The following FLYWCH1 variants were observed in gnomAD, a reference collection of about 807,000 sequenced individuals.
FLYWCH1 encodes the protein FLYWCH-type zinc finger 1.
A neutral mutation model predicts 66.4 loss-of-function variants in FLYWCH1; 75 were observed. The ratio of observed to expected loss-of-function variants is 1.13; its 90% CI spans 0.94 to 1.37. The LOEUF (loss-of-function observed/expected upper bound fraction) is 1.37, where lower values mean the gene tolerates loss of function less well. Among genes scored for constraint, FLYWCH1 ranks in the 40% most tolerant of loss-of-function variants. The probability of loss-of-function intolerance (pLI) is 0.00; values close to 1 mark genes in which losing one functional copy is unlikely to be tolerated. For synonymous variants in FLYWCH1, 595 were observed against 429.9 expected (o/e 1.38, Z -4.75); for missense variants, 1,334 against 1,001.8 (o/e 1.33, Z -4.48).
chr16:2,945,767 G>A (rs542638734), intron 9 of FLYWCH1, among the ~76,000 whole-genome samples: 1 of 152,244 alleles, frequency 6.6e-6, no homozygotes, highest in East Asian at 1.9e-4. Context: ...GGAGGCCAAG[G>A]TGGGCAGATC....
At chr16:2,913,595 G>C (rs1001636537) in intron 1 of FLYWCH1, among the ~76,000 whole-genome samples, 3 of 152,168 alleles carry the variant, frequency 2.0e-5, no homozygotes, top group African/African-American at 4.8e-5. Flanking sequence ...ACCCCACGCT[G>C]AACAGGACAG....
At chr16:2,923,822 G>A (rs2070462160) in intron 2 of FLYWCH1, among the ~76,000 whole-genome samples, 1 of 152,002 alleles carries the variant, frequency 6.6e-6, no homozygotes, top group African/African-American at 2.4e-5. Flanking sequence ...TGGATCACTT[G>A]AGGTCACGAG....
rs149748554 is a variant in FLYWCH1 at position 2,946,040 on chromosome 16, A to C, written c.2112-2648A>C. ...AGCTTGTAGAATGAGGTTCTAAAGA[A>C]AATATTTTTGTACAGCTGTACAATG... On this transcript the variant is annotated intron_variant, in intron 9 of 9. Coordinates refer to ENST00000253928, the MANE Select transcript of FLYWCH1 (RefSeq NM_001308068.2). Among the ~76,000 whole-genome samples, 325 of 152,260 alleles carry C rather than the reference A, an allele frequency of 2.1e-3. 1 individual carries two copies. Among genetic ancestry groups the C allele is most frequent in the African/African-American group, 7.6e-3 (317 of 41,554 alleles).
chr16:2,945,766 G>A (rs1029251443), intron 9 of FLYWCH1, among the ~76,000 whole-genome samples: 2 of 152,260 alleles, frequency 1.3e-5, no homozygotes, highest in African/African-American at 2.4e-5. Flanking sequence ...GGGAGGCCAA[G>A]GTGGGCAGAT....
At chr16:2,923,891 T>C (rs960059398) in intron 2 of FLYWCH1, among the ~76,000 whole-genome samples, 6 of 151,862 alleles carry the variant, frequency 4.0e-5, no homozygotes, top group African/African-American at 1.5e-4. Flanking sequence ...ATACAAAAAT[T>C]AGCCAGGCAT....
At chr16:2,945,803 C>T (rs1367381619) in intron 9 of FLYWCH1, among the ~76,000 whole-genome samples, 3 of 152,056 alleles carry the variant, frequency 2.0e-5, no homozygotes, top group Non-Finnish European at 4.4e-5. Flanking sequence ...CAAGACCATC[C>T]TGGCTAACAT....
At chr16:2,938,148 C>T (rs1395881731) in intron 7 of FLYWCH1, 36 bp from the exon 8 acceptor site, 3 of 1,599,288 alleles carry the variant, frequency 1.9e-6, no homozygotes, top group East Asian at 4.5e-5. Context: ...ACCCAGGCCC[C>T]TGTGGCCCCA....
intron 9 of FLYWCH1, among the ~76,000 whole-genome samples, chr16:2,947,239 G>A (rs901513035): frequency 6.6e-6 from 1 of 152,208 alleles, no homozygotes; most frequent in Non-Finnish European, 1.5e-5. Flanking sequence ...CAGAGTGTAT[G>A]TAATTCTGTT....
chr16:2,930,263 C>T, intron 3 of FLYWCH1, 147 bp from the exon 4 acceptor site: 2 of 637,462 alleles, frequency 3.1e-6, no homozygotes, highest in South Asian at 2.2e-5. Flanking sequence ...AAATAAAAAC[C>T]AGCCCTGAGA....
Position 2,913,586 on chromosome 16 carries a change from C to T in FLYWCH1, c.-187-590C>T, listed in dbSNP as rs543280439. ...TAGAGACCGGGGTTGCTGCTGAACA[C>T]CCCACGCTGAACAGGACAGCCTCCC... On this transcript the variant is annotated intron_variant, in intron 1 of 9. Transcript: ENST00000253928. 2.1e-4 allele frequency among the ~76,000 whole-genome samples: 32 copies of T among 152,300 alleles called. No individual in the cohort carries two copies. The South Asian group carries it at 6.2e-3, about 30-fold the overall frequency.
chr16:2,936,084 T>C (rs1596383670), intron 6 of FLYWCH1: 1 of 246,646 alleles, frequency 4.1e-6, no homozygotes, highest in Non-Finnish European at 8.1e-6. Flanking sequence ...TAATTTTTTG[T>C]ATTTTTTTAG....
intron 7 of FLYWCH1, 95 bp downstream of exon 7, chr16:2,937,479 G>C: frequency 2.2e-6 from 3 of 1,359,904 alleles, no homozygotes; most frequent in South Asian, 3.3e-5. Context: ...GTTGTGTGTT[G>C]TGCATGGTGG....
chr16:2,939,214 G>C (rs909144807), intron 8 of FLYWCH1, among the ~76,000 whole-genome samples: 2 of 152,144 alleles, frequency 1.3e-5, no homozygotes, highest in African/African-American at 2.4e-5. Flanking sequence ...GGGAGGCTGA[G>C]GCAGGCGGAT....
chr16:2,918,591 C>G (rs138652844), intron 2 of FLYWCH1, among the ~76,000 whole-genome samples: 7 of 151,770 alleles, frequency 4.6e-5, no homozygotes, highest in Non-Finnish European at 1.0e-4. Flanking sequence ...CAGGCATGCA[C>G]CAACATGACC....
rs763982598 is a variant in FLYWCH1, at chr16:2,930,641, A to G, written c.557A>G (p.Gln186Arg). 2 of 1,548,028 alleles carry G rather than the reference A, an allele frequency of 1.3e-6. No homozygotes were observed. Among genetic ancestry groups the G allele is most frequent in the Non-Finnish European group, 1.7e-6 (2 of 1,147,336 alleles). ...PDEQGLEARR[Q>R]REKLPSLALP... ...GAGCAAGGCCTGGAGGCCCGGCGCC[A>G]GAGGGAGAAACTGCCCAGCCTGGCC... Residue 186 changes from glutamine to arginine, a missense_variant, in exon 4 of 10, where the codon CAG (glutamine) becomes CGG (arginine). By Grantham distance (43) the Gln-to-Arg change is conservative. Transcript: ENST00000253928.
At position 2,931,913 on chromosome 16, in the gene FLYWCH1, A is replaced by T. The variant is rs192665861; in HGVS notation, c.796+1033A>T. Reference sequence around the variant, plus strand: ...CGGATCACGAGGTCAGGAGATTGAGACCATCCTGGCTAACACAGTGAAACC... The same window carrying T: ...CGGATCACGAGGTCAGGAGATTGAGTCCATCCTGGCTAACACAGTGAAACC... On this transcript the variant is annotated intron_variant, in intron 4 of 9. Transcript: ENST00000253928. 1.3e-4 allele frequency among the ~76,000 whole-genome samples: 20 copies of T among 152,214 alleles called. No individual in the cohort carries two copies. The East Asian group carries it at 3.9e-3, about 29-fold the overall frequency.
chr16:2,932,879 C>T (rs1342273941), intron 4 of FLYWCH1, among the ~76,000 whole-genome samples: 2 of 151,120 alleles, frequency 1.3e-5, no homozygotes, highest in South Asian at 2.1e-4. Flanking sequence ...CTGGGTCACT[C>T]GGTGGTAGGG....
chr16:2,931,649 T>C (rs1313529698), intron 4 of FLYWCH1, among the ~76,000 whole-genome samples: 2 of 151,934 alleles, frequency 1.3e-5, no homozygotes, highest in African/African-American at 2.4e-5. Context: ...CTGGTTCCCA[T>C]GCAATTCTAG....
chr16:2,923,068 T>A (rs1220539355), intron 2 of FLYWCH1: 3 of 419,074 alleles, frequency 7.2e-6, no homozygotes, highest in Non-Finnish European at 1.4e-5. Context: ...GTTGTGCGGA[T>A]CTATTTTTTT....
Sources: gnomAD v4.1 joint callset for allele counts (sites outside exome capture counted in the v4.1 genomes callset) on GRCh38, gnomAD v4.1.1 for gene constraint, MANE v1.5 for transcripts, NCBI Gene and HGNC (gene_info 2026-07-23, HGNC 2026-07-21) for gene names.